ERBB4: variants seen among roughly 807,000 people sequenced by gnomAD.
ERBB4 encodes the protein receptor tyrosine-protein kinase erbB-4.
In ERBB4, 42 loss-of-function variants were observed where a neutral mutation model predicts 158.0. The observed-to-expected ratio is 0.27, with a 90% CI of 0.21 to 0.34. The LOEUF (loss-of-function observed/expected upper bound fraction) is 0.34, where lower values mean the gene tolerates loss of function less well. Ranked by LOEUF, ERBB4 falls within the 10% of genes least tolerant of loss-of-function variation. The pLI is 1.00. For missense variants in ERBB4, 1,333 were observed against 1,624.1 expected (o/e 0.82, Z 3.08); for synonymous variants, 583 against 558.7 (o/e 1.04, Z -0.61).
intron 1 of ERBB4, among the ~76,000 whole-genome samples, chr2:212,468,936 G>T (rs1038866505): frequency 2.6e-5 from 4 of 151,952 alleles, no homozygotes; most frequent in African/African-American, 9.7e-5. Flanking sequence ...CCCTTATTAG[G>T]AAAAAAATTA....
chr2:212,168,070 A>T (rs1411097149), intron 1 of ERBB4, among the ~76,000 whole-genome samples: 11 of 7,214 alleles, frequency 1.5e-3, no homozygotes, highest in South Asian at 0.012. Flanking sequence ...ATTAAAATTA[A>T]AAAAAAAAAA....
intron 4 of ERBB4, among the ~76,000 whole-genome samples, chr2:211,752,348 A>T (rs2075156328): frequency 6.6e-6 from 1 of 152,046 alleles, no homozygotes; most frequent in African/African-American, 2.4e-5. Context: ...ATAATCCTCT[A>T]AATTGATCCA....
At chr2:211,508,064 A>G (rs1452171879) in intron 20 of ERBB4, among the ~76,000 whole-genome samples, 4 of 152,174 alleles carry the variant, frequency 2.6e-5, no homozygotes, top group South Asian at 4.1e-4. Flanking sequence ...CATTCAGGAC[A>G]TAGGCATGGG....
chr2:211,559,861 G>C (rs1260651522), intron 20 of ERBB4, among the ~76,000 whole-genome samples: 4 of 152,116 alleles, frequency 2.6e-5, no homozygotes, highest in African/African-American at 4.8e-5. Flanking sequence ...TATAGACAGA[G>C]AGATAGTAAA....
intron 19 of ERBB4, among the ~76,000 whole-genome samples, chr2:211,612,989 C>T (rs1253900901): frequency 2.0e-5 from 3 of 151,922 alleles, no homozygotes; most frequent in East Asian, 1.9e-4. Flanking sequence ...TGGGTGAAAT[C>T]GAAGGCAGAA....
intron 1 of ERBB4, among the ~76,000 whole-genome samples, chr2:212,532,430 A>G (rs761671175): frequency 1.2e-4 from 18 of 152,230 alleles, no homozygotes; most frequent in Non-Finnish European, 2.2e-4. Flanking sequence ...TATGCCTATG[A>G]CTTCACTTGG....
At chr2:211,775,096 A>G (rs1403830097) in intron 4 of ERBB4, among the ~76,000 whole-genome samples, 1 of 152,218 alleles carries the variant, frequency 6.6e-6, no homozygotes, top group Non-Finnish European at 1.5e-5. Context: ...CTAGACTAAC[A>G]ATTAAACTTA....
At chr2:211,898,438 A>C (rs374293067) in intron 3 of ERBB4, among the ~76,000 whole-genome samples, 1 of 152,176 alleles carries the variant, frequency 6.6e-6, no homozygotes, top group African/African-American at 2.4e-5. Flanking sequence ...CAGAGGCATA[A>C]TAGATTTTCT....
chr2:212,484,464 C>A (rs1295650252), intron 1 of ERBB4, among the ~76,000 whole-genome samples: 1 of 152,178 alleles, frequency 6.6e-6, no homozygotes, highest in African/African-American at 2.4e-5. Context: ...TGAGGTTACT[C>A]TTTAAATGAA....
intron 1 of ERBB4, among the ~76,000 whole-genome samples, chr2:212,410,505 G>A (rs914114453): frequency 2.0e-5 from 3 of 151,944 alleles, no homozygotes; most frequent in Non-Finnish European, 4.4e-5. Flanking sequence ...GGAAAATCCT[G>A]AACGGCATTA....
intron 3 of ERBB4, among the ~76,000 whole-genome samples, chr2:211,912,115 G>C (rs1193233185): frequency 6.6e-6 from 1 of 152,042 alleles, no homozygotes; most frequent in Non-Finnish European, 1.5e-5. Context: ...AAGGCAAATG[G>C]GTACAACCCT....
intron 3 of ERBB4, among the ~76,000 whole-genome samples, chr2:211,864,786 T>C (rs2078161102): frequency 6.6e-6 from 1 of 152,030 alleles, no homozygotes; most frequent in African/African-American, 2.4e-5. Context: ...GGCAACATGG[T>C]AAAACCCCGT....
chr2:211,504,915 TA>T (rs1559235924), intron 20 of ERBB4, among the ~76,000 whole-genome samples: 1 of 152,078 alleles, frequency 6.6e-6, no homozygotes, highest in Non-Finnish European at 1.5e-5. Flanking sequence ...AAATAATTTT[TA>T]AAAACAAGCA....
chr2:211,736,954 A>G (rs6738219), intron 5 of ERBB4, among the ~76,000 whole-genome samples: 20,044 of 152,186 alleles, frequency 0.13, 1,536 homozygotes, highest in South Asian at 0.33. Flanking sequence ...TCAGGACAAA[A>G]GTTCGGAAGT....
intron 1 of ERBB4, among the ~76,000 whole-genome samples, chr2:212,254,622 G>A (rs7572462): frequency 0.059 from 9,037 of 152,152 alleles, 370 homozygotes; most frequent in African/African-American, 0.12. Context: ...CCACGAATCC[G>A]TAATTTTGTT....
At chr2:212,101,025 T>G (rs2079066842) in intron 2 of ERBB4, among the ~76,000 whole-genome samples, 1 of 152,088 alleles carries the variant, frequency 6.6e-6, no homozygotes, top group African/African-American at 2.4e-5. Context: ...GATAGTCAAT[T>G]TTTAATGGCT....
chr2:212,236,657 C>T (rs761157793), intron 1 of ERBB4, among the ~76,000 whole-genome samples: 1 of 152,262 alleles, frequency 6.6e-6, no homozygotes, highest in East Asian at 1.9e-4. Flanking sequence ...TGTTATCAGT[C>T]TATTCAGGGA....
intron 1 of ERBB4, among the ~76,000 whole-genome samples, chr2:212,527,050 T>C (rs1692486515): frequency 6.6e-6 from 1 of 152,092 alleles, no homozygotes; most frequent in African/African-American, 2.4e-5. Context: ...CAGTAAGCTA[T>C]ATTTCAAGGG....
At chr2:211,803,869 G>C (rs1350279302) in intron 3 of ERBB4, among the ~76,000 whole-genome samples, 1 of 152,146 alleles carries the variant, frequency 6.6e-6, no homozygotes, top group Non-Finnish European at 1.5e-5. Flanking sequence ...GAATGGAAAG[G>C]GAAAGGGAGG....
Sources: gnomAD v4.1 joint callset for allele counts (sites outside exome capture counted in the v4.1 genomes callset) on GRCh38, gnomAD v4.1.1 for gene constraint, MANE v1.5 for transcripts, NCBI Gene and HGNC (gene_info 2026-07-23, HGNC 2026-07-21) for gene names.